Variants in LRRC27 observed in about 807,000 individuals in gnomAD.
LRRC27 encodes the protein leucine-rich repeat-containing protein 27.
Under a neutral mutation model 55.0 loss-of-function variants are expected in LRRC27, and 57 were observed. The ratio of observed to expected loss-of-function variants is 1.04; its 90% CI spans 0.84 to 1.29. The LOEUF (loss-of-function observed/expected upper bound fraction) is 1.29. Among genes scored for constraint, LRRC27 ranks in the 50% most tolerant of loss-of-function variants. The pLI is 0.00. For missense variants in LRRC27, 721 were observed against 651.5 expected, an observed-to-expected ratio of 1.11 and a Z score of -1.16; for synonymous variants, 278 against 251.9, an observed-to-expected ratio of 1.10 and a Z score of -0.98.
chr10:132,347,000 T>A (rs1457822233), intron 5 of LRRC27, among the ~76,000 whole-genome samples: 1 of 152,200 alleles, frequency 6.6e-6, no homozygotes, highest in East Asian at 1.9e-4. Flanking sequence ...AGCCTTCAGG[T>A]CGTGCTGGGC....
intron 3 of LRRC27, among the ~76,000 whole-genome samples, chr10:132,341,564 G>T (rs2138667311): frequency 6.6e-6 from 1 of 152,208 alleles, no homozygotes; most frequent in Admixed American, 6.5e-5. Context: ...ATTTTATAAG[G>T]ATGTTACTAG....
At chr10:132,337,370 T>C in intron 2 of LRRC27, 195 bp from the exon 3 acceptor site, 2 of 1,361,396 alleles carry the variant, frequency 1.5e-6, no homozygotes, top group Non-Finnish European at 1.9e-6. Context: ...CCGGAAGGAG[T>C]CCTGGTTCTT....
At chr10:132,335,636 G>A (rs895123505) in intron 2 of LRRC27, among the ~76,000 whole-genome samples, 1 of 151,914 alleles carries the variant, frequency 6.6e-6, no homozygotes, top group South Asian at 2.1e-4. Flanking sequence ...GCTGTACGGT[G>A]CAGGTTCCTC....
intron 5 of LRRC27, 76 bp downstream of exon 5, chr10:132,344,726 C>G: frequency 6.6e-7 from 1 of 1,513,834 alleles, no homozygotes. Flanking sequence ...CAGAACCTGT[C>G]TTCTCTTTAA....
In LRRC27 at chr10:132,374,085, A is replaced by G. The variant is rs2069284569; in HGVS notation, c.1417-981A>G. Among the ~76,000 whole-genome samples the G allele has an allele frequency of 7.7e-6, 1 of 130,132 alleles. No individual in the cohort carries two copies. Among genetic ancestry groups the G allele is most frequent in the African/African-American group, 3.2e-5 (1 of 31,096 alleles). The allele number at this position is 130,132 out of a possible 152,430, so 85.4% of individuals were successfully genotyped here. A position where few individuals can be genotyped will look rare whatever the true frequency, so the allele number is the denominator to read the frequency against. ...GGGGTCTCCGGGGACCTGTTGTGATATGGCTGCATGGTGAGGGGGTGCAGT... is the reference window on the plus strand; with the variant it reads ...GGGGTCTCCGGGGACCTGTTGTGATGTGGCTGCATGGTGAGGGGGTGCAGT... On this transcript the variant is annotated intron_variant, in intron 10 of 10. Coordinates refer to ENST00000368614, the MANE Select transcript of LRRC27 (RefSeq NM_030626.3). This position sits in a 1 kb window ranked among gnomAD's most constrained non-coding sequence, Gnocchi z 4.4.
intron 2 of LRRC27, chr10:132,337,012 TG>T: frequency 9.4e-7 from 1 of 1,067,812 alleles, no homozygotes; most frequent in Non-Finnish European, 1.3e-6. Flanking sequence ...CGAGTTGATG[TG>T]TCAATCTGCT....
At chr10:132,368,493 A>G (rs2069146882) in intron 10 of LRRC27, among the ~76,000 whole-genome samples, 1 of 152,224 alleles carries the variant, frequency 6.6e-6, no homozygotes, top group South Asian at 2.1e-4. Context: ...GAGCCCCAAA[A>G]TAGACCCACA....
At chr10:132,366,223 C>G (rs2069070791) in intron 10 of LRRC27, 2 of 154,072 alleles carry the variant, frequency 1.3e-5, no homozygotes, top group Non-Finnish European at 2.9e-5. Flanking sequence ...AGGGCTGGGC[C>G]ATGAGGGGCG....
Position 132,348,305 on chromosome 10 carries a change from AGGC to A in LRRC27, c.879_881del (p.Ala294del). 1.9e-6 allele frequency: 3 copies of A among 1,614,058 alleles called. No homozygotes were observed. The highest frequency in any genetic ancestry group is 2.5e-6 in the Non-Finnish European group (3 of 1,180,036). ...ACGAGGGAATTACCTCCAAATCTCAAGGCGGCCTTGAACATTGAGAAAGAACTA... is the reference window on the plus strand; with the variant it reads ...ACGAGGGAATTACCTCCAAATCTCAAGGCCTTGAACATTGAGAAAGAACTA... On this transcript the variant is annotated inframe_deletion, in exon 6 of 11. Transcript: ENST00000368614. This position sits in a 1 kb window ranked among gnomAD's most constrained non-coding sequence, Gnocchi z 4.2.
At chr10:132,338,749 T>C (rs996041112) in intron 3 of LRRC27, among the ~76,000 whole-genome samples, 1 of 148,930 alleles carries the variant, frequency 6.7e-6, no homozygotes, top group Non-Finnish European at 1.5e-5. Context: ...TTGCTCTGTC[T>C]CCCAGGCTGG....
intron 8 of LRRC27, among the ~76,000 whole-genome samples, chr10:132,357,479 C>T (rs983795707): frequency 9.2e-5 from 14 of 152,160 alleles, no homozygotes; most frequent in African/African-American, 2.9e-4. Context: ...CCTCTGTGGC[C>T]GACAGAAGGG....
At chr10:132,352,783 G>A (rs867417177) in intron 7 of LRRC27, 23 of 1,358,688 alleles carry the variant, frequency 1.7e-5, no homozygotes, top group Non-Finnish European at 2.1e-5. Context: ...GCCGGTTGCA[G>A]TGCTCGCGGT....
At chr10:132,339,901 G>A (rs2748396) in intron 3 of LRRC27, among the ~76,000 whole-genome samples, 63,022 of 152,084 alleles carry the variant, frequency 0.41, 13,417 homozygotes, top group African/African-American at 0.49. Context: ...TATGTTTTTG[G>A]AGGTATACTT....
chr10:132,351,438 T>C (rs1329662480), intron 6 of LRRC27, 169 bp from the exon 7 acceptor site: 10 of 752,742 alleles, frequency 1.3e-5, no homozygotes, highest in Non-Finnish European at 2.2e-5. Context: ...TTACGTGTCC[T>C]GAAATCAACA....
intron 9 of LRRC27, among the ~76,000 whole-genome samples, chr10:132,364,402 TACC>T (rs1564853156): frequency 1.9e-5 from 1 of 52,780 alleles, no homozygotes; most frequent in African/African-American, 6.5e-5. Flanking sequence ...CCCTTACATC[TACC>T]TCCACACCCG....
intron 10 of LRRC27, among the ~76,000 whole-genome samples, chr10:132,371,341 A>G (rs1014919377): frequency 3.9e-5 from 6 of 152,224 alleles, no homozygotes; most frequent in Non-Finnish European, 5.9e-5. Flanking sequence ...TGATTAGAGG[A>G]CCAGGGTGGA....
intron 10 of LRRC27, among the ~76,000 whole-genome samples, chr10:132,368,759 C>T (rs1195246067): frequency 6.6e-6 from 1 of 152,122 alleles, no homozygotes; most frequent in Non-Finnish European, 1.5e-5. Flanking sequence ...TGTTTAAATA[C>T]AACACCAAAA....
Position 132,344,729 on chromosome 10 carries a change from C to T in LRRC27, c.553+79C>T, listed in dbSNP as rs149017812. 178 of 1,497,950 alleles carry T rather than the reference C, an allele frequency of 1.2e-4. No homozygotes were observed. In the African/African-American group the frequency reaches 2.1e-3, roughly 18 times the overall value. The allele number at this position is 1,497,950 out of a possible 1,614,324, so 92.8% of individuals were successfully genotyped here. A position where few individuals can be genotyped will look rare whatever the true frequency, so the allele number is the denominator to read the frequency against. On this transcript the variant is annotated intron_variant, in intron 5 of 10. Transcript: ENST00000368614. Reference sequence around the variant, plus strand: ...TTAAAATCAGGGCAGAACCTGTCTTCTCTTTAATAACATCCTGAGAAATAC... The same window carrying T: ...TTAAAATCAGGGCAGAACCTGTCTTTTCTTTAATAACATCCTGAGAAATAC...
intron 1 of LRRC27, 96 bp from the exon 2 acceptor site, chr10:132,333,381 A>T: frequency 2.1e-6 from 1 of 473,662 alleles, no homozygotes; most frequent in Non-Finnish European, 3.5e-6. Flanking sequence ...GATAGCTTTT[A>T]AAGCAAGTTA....
Sources: gnomAD v4.1 joint callset for allele counts (sites outside exome capture counted in the v4.1 genomes callset) on GRCh38, gnomAD v4.1.1 for gene constraint, Gnocchi (gnomAD v3.1) non-coding constraint, MANE v1.5 for transcripts, NCBI Gene and HGNC (gene_info 2026-07-23, HGNC 2026-07-21) for gene names.